The following SBNO2 variants were observed in gnomAD, a reference collection of about 807,000 sequenced individuals.
The protein encoded by SBNO2 is protein strawberry notch homolog 2.
Under a neutral mutation model 146.3 loss-of-function variants are expected in SBNO2, and 89 were observed. The observed-to-expected ratio is 0.61, with a 90% CI of 0.51 to 0.73. The LOEUF (loss-of-function observed/expected upper bound fraction) is 0.73, where lower values mean the gene tolerates loss of function less well. SBNO2 is among the 30% of genes least tolerant of loss of function. SBNO2 has a pLI of 0.00. For synonymous variants in SBNO2, 1,147 were observed against 892.6 expected, an observed-to-expected ratio of 1.29 and a Z score of -5.08; for missense variants, 2,092 against 2,003.7, an observed-to-expected ratio of 1.04 and a Z score of -0.84.
chr19:1,120,153 G>A (rs2079883283), intron 11 of SBNO2, 130 bp from the exon 12 acceptor site: 8 of 718,180 alleles, frequency 1.1e-5, no homozygotes, highest in South Asian at 1.1e-4. Context: ...CTCCACGAGG[G>A]AAGCCCAGGT....
chr19:1,153,234 A>T (rs1210701571), intron 2 of SBNO2, among the ~76,000 whole-genome samples: 1 of 150,032 alleles, frequency 6.7e-6, no homozygotes, highest in African/African-American at 2.4e-5. Flanking sequence ...TTTTTAATTT[A>T]AAAATTTTTT....
intron 19 of SBNO2, among the ~76,000 whole-genome samples, chr19:1,113,157 G>A (rs1010015152): frequency 3.9e-5 from 6 of 152,180 alleles, no homozygotes; most frequent in Admixed American, 2.6e-4. Context: ...GCCAGCCGGC[G>A]CCACGAAGTG....
chr19:1,122,609 T>TC, intron 9 of SBNO2, 49 bp downstream of exon 9: 2 of 248,888 alleles, frequency 8.0e-6, no homozygotes, highest in Admixed American at 9.4e-5. Flanking sequence ...CGCCCCCCGC[T>TC]TCCGCCCCCC....
chr19:1,171,070 C>T lies in SBNO2; in HGVS notation c.-127+3102G>A, dbSNP rs377739614. On this transcript the variant is annotated intron_variant, in intron 1 of 31. Coordinates refer to ENST00000361757, the MANE Select transcript of SBNO2 (RefSeq NM_014963.3). ...ATGAACATGGGTACACACAGGCACA[C>T]ACACAACACAAACACGGGTGCACAG... 2.7e-4 allele frequency among the ~76,000 whole-genome samples: 41 copies of T among 152,144 alleles called. No homozygotes were observed. The South Asian group carries it at 4.6e-3, about 17-fold the overall frequency.
chr19:1,132,117 C>T, intron 4 of SBNO2: 2 of 1,532,438 alleles, frequency 1.3e-6, no homozygotes, highest in South Asian at 2.4e-5. Context: ...ACTGCAGCCA[C>T]AGCTGCAGCT....
intron 16 of SBNO2, among the ~76,000 whole-genome samples, 159 bp downstream of exon 16, chr19:1,116,670 G>C (rs181885395): frequency 1.3e-3 from 201 of 152,224 alleles, no homozygotes; most frequent in African/African-American, 4.7e-3. Context: ...CTGGAGCAGC[G>C]GTGAAGGCCT....
At chr19:1,113,168 A>C (rs1278396578) in intron 19 of SBNO2, among the ~76,000 whole-genome samples, 1 of 152,178 alleles carries the variant, frequency 6.6e-6, no homozygotes, top group East Asian at 1.9e-4. Flanking sequence ...CCACGAAGTG[A>C]AAAAGTGAAG....
chr19:1,174,252 G>C lies in SBNO2; in HGVS notation c.-207C>G, dbSNP rs989848784. 2.6e-5 allele frequency: 4 copies of C among 151,892 alleles called. No individual in the cohort carries two copies. Among genetic ancestry groups the C allele is most frequent in the African/African-American group, 4.8e-5 (2 of 41,376 alleles). 9.4% of individuals were successfully genotyped at this position (151,892 alleles called of 1,614,324 possible). On this transcript the variant is annotated 5_prime_UTR_variant, in exon 1 of 32. Coordinates refer to ENST00000361757, the MANE Select transcript of SBNO2 (RefSeq NM_014963.3). ...CGCAGCTGCCGCCGCTCACTTCCGGGTTTCGGGCGCCATCTTGGGGGCCCC... is the reference window on the plus strand; with the variant it reads ...CGCAGCTGCCGCCGCTCACTTCCGGCTTTCGGGCGCCATCTTGGGGGCCCC...
chr19:1,120,371 T>C (rs553666277), intron 11 of SBNO2, among the ~76,000 whole-genome samples: 1 of 152,274 alleles, frequency 6.6e-6, no homozygotes, highest in East Asian at 1.9e-4. Context: ...GTTTTCTTTT[T>C]TGTTTGTTTT....
chr19:1,137,224 G>C (rs2080092907), intron 4 of SBNO2, among the ~76,000 whole-genome samples: 1 of 100,080 alleles, frequency 1.0e-5, no homozygotes, highest in Non-Finnish European at 2.0e-5. Flanking sequence ...TGCAGTGGAG[G>C]AGAGGCTCGG....
At chr19:1,123,171 G>T (rs1270726420) in intron 7 of SBNO2, 126 bp from the exon 8 acceptor site, 1 of 1,097,090 alleles carries the variant, frequency 9.1e-7, no homozygotes, top group Non-Finnish European at 1.3e-6. Flanking sequence ...GGCGTGGCCA[G>T]GTCCCGTTGG....
chr19:1,108,861 G>A lies in SBNO2; in HGVS notation c.3534C>T (p.Ile1178=), dbSNP rs891745113. 1.3e-5 allele frequency: 20 copies of A among 1,595,664 alleles called. No homozygotes were observed. The highest frequency in any genetic ancestry group is 1.6e-5 in the Non-Finnish European group (19 of 1,177,170). ...TGCTGACGTCGGCCATGACGGCGGC[G>A]ATGCGGCCCCACACGCGCAGCAGCG... ...CGALLRVWGR[I]AAVMADVSSS... Residue 1178 remains isoleucine, a synonymous_variant, in exon 31 of 32, where the codon ATC becomes ATT. Transcript: ENST00000361757.
rs1166224022 is a variant in SBNO2 at position 1,144,803 on chromosome 19, CAGAG to C, written c.279+2502_279+2505del. Among the ~76,000 whole-genome samples the C allele has an allele frequency of 2.2e-5, 3 of 137,166 alleles. No individual in the cohort carries two copies. The highest frequency in any genetic ancestry group is 4.7e-5 in the Non-Finnish European group (3 of 63,814). The allele number at this position is 137,166 out of a possible 152,430, so 90.0% of individuals were successfully genotyped here. A position where few individuals can be genotyped will look rare whatever the true frequency, so the allele number is the denominator to read the frequency against. On this transcript the variant is annotated intron_variant, in intron 4 of 31. Coordinates refer to ENST00000361757, the MANE Select transcript of SBNO2 (RefSeq NM_014963.3). This position sits in a 1 kb window ranked among gnomAD's most constrained non-coding sequence, Gnocchi z 4.1. ...AAAGAGACAGAGACAGAGAGGGAGA[CAGAG>C]AGACAGAGACAGAGAGGGAGACAGA...
intron 4 of SBNO2, among the ~76,000 whole-genome samples, chr19:1,146,829 G>A (rs913172448): frequency 6.6e-6 from 1 of 151,532 alleles, no homozygotes; most frequent in Admixed American, 6.6e-5. Flanking sequence ...GGGTCCGCCT[G>A]ATGCCGCAGT....
chr19:1,146,655 A>G (rs557417170), intron 4 of SBNO2, among the ~76,000 whole-genome samples: 180 of 149,114 alleles, frequency 1.2e-3, no homozygotes, highest in African/African-American at 4.1e-3. Context: ...TCTCTGTGGC[A>G]CTGGGTGCTC....
rs1217275930 is a variant in SBNO2 at position 1,116,009 on chromosome 19, G to A, written c.1885+12C>T. 1.2e-6 allele frequency: 2 copies of A among 1,605,150 alleles called. No homozygotes were observed. The highest frequency in any genetic ancestry group is 1.7e-6 in the Non-Finnish European group (2 of 1,177,270). On this transcript the variant is annotated intron_variant, in intron 17 of 31. Coordinates refer to ENST00000361757, the MANE Select transcript of SBNO2 (RefSeq NM_014963.3). ...GGCAGGGGTGGGTGGGGCCATGGGG[G>A]GCAGGGCTTACGTTTCCGCTTGCTG...
rs61238296 is a variant in SBNO2 at position 1,114,406 on chromosome 19, G to A, written c.1902C>T (p.Arg634=). The change falls in exon 18 of 32, where the codon CGC becomes CGT. Residue 634 remains arginine (R), a synonymous_variant. Coordinates refer to ENST00000361757, the MANE Select transcript of SBNO2 (RefSeq NM_014963.3). The part of the protein sequence containing the change: ...GSKRKRRPRG[R]GAKAPRLACE... ...ACGCCAGCCGGGGGGCTTTGGCCCCGCGTCCCCGAGGTCGCCCTGCAGGGA... is the reference window on the plus strand; with the variant it reads ...ACGCCAGCCGGGGGGCTTTGGCCCCACGTCCCCGAGGTCGCCCTGCAGGGA... 1.2e-5 allele frequency: 19 copies of A among 1,538,140 alleles called. No individual in the cohort carries two copies. Among genetic ancestry groups the A allele is most frequent in the Middle Eastern group, 1.7e-4 (1 of 5,816 alleles).
intron 4 of SBNO2, chr19:1,132,189 C>T: frequency 7.2e-7 from 1 of 1,397,318 alleles, no homozygotes; most frequent in South Asian, 1.5e-5. Context: ...CCGGGAGCGG[C>T]TCCCTCATGA....
intron 11 of SBNO2, 37 bp from the exon 12 acceptor site, chr19:1,120,060 C>CG: frequency 6.6e-7 from 1 of 1,515,844 alleles, no homozygotes; most frequent in Non-Finnish European, 8.9e-7. Context: ...TTCTGAAGGA[C>CG]GGGGGCGACC....
Sources: gnomAD v4.1 joint callset for allele counts (sites outside exome capture counted in the v4.1 genomes callset) on GRCh38, gnomAD v4.1.1 for gene constraint, Gnocchi (gnomAD v3.1) non-coding constraint, MANE v1.5 for transcripts, NCBI Gene and HGNC (gene_info 2026-07-23, HGNC 2026-07-21) for gene names.